CPXM1: variants seen among roughly 807,000 people sequenced by gnomAD.
CPXM1 encodes the protein probable carboxypeptidase X1.
In CPXM1, 72 loss-of-function variants were observed where a neutral mutation model predicts 80.4. That is an observed-to-expected ratio of 0.90 (90% CI 0.74 to 1.09). The LOEUF is 1.09. Ranked by LOEUF, CPXM1 falls within the 50% of genes least tolerant of loss-of-function variation. The probability of loss-of-function intolerance (pLI) is 0.00; values close to 1 mark genes in which losing one functional copy is unlikely to be tolerated. For missense variants in CPXM1, 892 were observed against 999.4 expected (o/e 0.89, Z 1.45); for synonymous variants, 403 against 405.6 (o/e 0.99, Z 0.08).
Position 2,796,718 on chromosome 20 carries a change from C to T in CPXM1, c.922-68G>A. On this transcript the variant is annotated intron_variant, in intron 7 of 13. Coordinates refer to ENST00000380605, the MANE Select transcript of CPXM1 (RefSeq NM_019609.5). This position sits in a 1 kb window ranked among gnomAD's most constrained non-coding sequence, Gnocchi z 6.8. ...ACACCCAGGGGCAGATCACATGTGC[C>T]ATGGAAAGACTTAAAAAGTCAGCGA... 1 of 1,587,268 alleles carries T rather than the reference C, an allele frequency of 6.3e-7. No individual in the cohort carries two copies. The highest frequency in any genetic ancestry group is 1.1e-5 in the South Asian group (1 of 87,956).
Position 2,795,718 on chromosome 20 carries a change from G to A in CPXM1, c.1601C>T (p.Thr534Ile). The A allele has an allele frequency of 6.2e-7, 1 of 1,613,994 alleles. No homozygotes were observed. Among genetic ancestry groups the A allele is most frequent in the Non-Finnish European group, 8.5e-7 (1 of 1,180,046 alleles). Reference protein sequence around the residue: ...PDDAVFRWLSTVYAGSNLAMQ... With the variant: ...PDDAVFRWLSIVYAGSNLAMQ... ...GGCCAGATTACTGCCAGCATAGACA[G>A]TGCTGAGCCAGCGAAACACAGCATC... Residue 534 changes from threonine to isoleucine, a missense_variant, in exon 11 of 14, where the codon ACT (threonine) becomes ATT (isoleucine). Transcript: ENST00000380605. The surrounding 1 kb of genome is among the most constrained non-coding windows in gnomAD (Gnocchi z 5.4).
chr20:2,797,845 G>T, intron 5 of CPXM1, 123 bp downstream of exon 5: 1 of 856,378 alleles, frequency 1.2e-6, no homozygotes. Flanking sequence ...TTGACAACAA[G>T]CCACACCCCC....
At chr20:2,800,370 G>A (rs756441944) in intron 1 of CPXM1, 31 bp downstream of exon 1, 44 of 1,481,958 alleles carry the variant, frequency 3.0e-5, no homozygotes, top group African/African-American at 5.8e-5. Context: ...GTCGGCTTGC[G>A]GGGGAGCGGA....
rs2088501711 is a variant in CPXM1, at chr20:2,795,918, G to A, written c.1423-22C>T. Reference sequence around the variant, plus strand: ...CCACCTGGATGGGGCAGGTCAGGAGGGGCAGGAGACAGAGACAAGGTCCGC... The same window carrying A: ...CCACCTGGATGGGGCAGGTCAGGAGAGGCAGGAGACAGAGACAAGGTCCGC... On this transcript the variant is annotated intron_variant, in intron 10 of 13. Coordinates refer to ENST00000380605, the MANE Select transcript of CPXM1 (RefSeq NM_019609.5). The surrounding 1 kb of genome is among the most constrained non-coding windows in gnomAD (Gnocchi z 5.4). 1 of 1,605,156 alleles carries A rather than the reference G, an allele frequency of 6.2e-7. No individual in the cohort carries two copies. Among genetic ancestry groups the A allele is most frequent in the Non-Finnish European group, 8.5e-7 (1 of 1,173,556 alleles).
In CPXM1 at chr20:2,794,263, A is replaced by G. The variant is rs1391694214; in HGVS notation, c.2132T>C (p.Leu711Pro). The G allele has an allele frequency of 6.2e-7, 1 of 1,614,068 alleles. No homozygotes were observed. Among genetic ancestry groups the G allele is most frequent in the East Asian group, 2.2e-5 (1 of 44,872 alleles). ...TKTPKQRLRE[L>P]LAAGAKVPPD... ...GGGCACCTTGGCCCCAGCTGCCAGC[A>G]GCTCGCGCAGCCTCTGTTTGGGAGT... The change falls in exon 14 of 14, where the codon CTG (leucine) becomes CCG (proline). Residue 711 changes from leucine (L) to proline (P), a missense_variant. Around this residue, in one of 2 missense-constraint regions of CPXM1, gnomAD observed 874 missense variants for 958.4 expected, o/e 0.91. Transcript: ENST00000380605. This position sits in a 1 kb window ranked among gnomAD's most constrained non-coding sequence, Gnocchi z 5.2.
At position 2,795,361 on chromosome 20, in the gene CPXM1, C is replaced by CA. The variant is rs1484521586; in HGVS notation, c.1775dup (p.Ser593ValfsTer3). The CA allele has an allele frequency of 5.6e-6, 9 of 1,614,076 alleles. No homozygotes were observed. Among genetic ancestry groups the CA allele is most frequent in the Admixed American group, 1.7e-5 (1 of 60,012 alleles). On this transcript the variant is annotated frameshift_variant, in exon 12 of 14. Coordinates refer to ENST00000380605, the MANE Select transcript of CPXM1 (RefSeq NM_019609.5). LOFTEE classifies it high-confidence loss of function. This position sits in a 1 kb window ranked among gnomAD's most constrained non-coding sequence, Gnocchi z 5.4. ...TCTCGTGAGGGAACTTGTCACAGGA[C>CA]AGCTCCACAGTGACCTCAAAGCAGT... is the stretch of plus-strand genomic sequence containing the variant.
rs1397106378 is a variant in CPXM1 at position 2,796,065 on chromosome 20, C to T, written c.1339G>A (p.Ala447Thr). 1 of 1,614,104 alleles carries T rather than the reference C, an allele frequency of 6.2e-7. No individual in the cohort carries two copies. Among genetic ancestry groups the T allele is most frequent in the Non-Finnish European group, 8.5e-7 (1 of 1,179,998 alleles). The change falls in exon 10 of 14, where the codon GCA (alanine) becomes ACA (threonine). Residue 447 changes from alanine (A) to threonine (T), a missense_variant. Physicochemically the swap from Ala to Thr is moderately conservative, Grantham distance 58. Around this residue, in one of 2 missense-constraint regions of CPXM1, gnomAD observed 874 missense variants for 958.4 expected, o/e 0.91. Coordinates refer to ENST00000380605, the MANE Select transcript of CPXM1 (RefSeq NM_019609.5). This position sits in a 1 kb window ranked among gnomAD's most constrained non-coding sequence, Gnocchi z 6.8. ...FADLNTPLWE[A>T]QDDGKVPHIV... is the part of the protein sequence containing the mutation. Reference sequence around the variant, plus strand: ...TGGGGCACCTTCCCATCGTCCTGTGCTTCCCACAGTGGTGTGTTGAGGTCA... The same window carrying T: ...TGGGGCACCTTCCCATCGTCCTGTGTTTCCCACAGTGGTGTGTTGAGGTCA...
Position 2,794,186 on chromosome 20 carries a change from G to C in CPXM1, c.*4C>G. 2 of 1,606,978 alleles carry C rather than the reference G, an allele frequency of 1.2e-6. No homozygotes were observed. The highest frequency in any genetic ancestry group is 1.7e-6 in the Non-Finnish European group (2 of 1,176,870). On this transcript the variant is annotated 3_prime_UTR_variant, in exon 14 of 14. Coordinates refer to ENST00000380605, the MANE Select transcript of CPXM1 (RefSeq NM_019609.5). The surrounding 1 kb of genome is among the most constrained non-coding windows in gnomAD (Gnocchi z 5.2). ...CCTGCCCTAGGGCTCTTAAACCGCAGGTATCAATCCTTCTGTCCCCTTAGC... is the reference window on the plus strand; with the variant it reads ...CCTGCCCTAGGGCTCTTAAACCGCACGTATCAATCCTTCTGTCCCCTTAGC...
chr20:2,794,789 A>G lies in CPXM1; in HGVS notation c.1861-150T>C. 3.2e-6 allele frequency: 2 copies of G among 617,506 alleles called. No individual in the cohort carries two copies. The highest frequency in any genetic ancestry group is 5.7e-6 in the Non-Finnish European group (2 of 349,628). 38.3% of individuals were successfully genotyped at this position (617,506 alleles called of 1,614,324 possible). A position where few individuals can be genotyped will look rare whatever the true frequency, so the allele number is the denominator to read the frequency against. ...ACACTACTTCTGGAAGAAAAAAAAA[A>G]AAGAAATCCTGATTGACAAATCACA... On this transcript the variant is annotated intron_variant, in intron 12 of 13. Transcript: ENST00000380605. This position sits in a 1 kb window ranked among gnomAD's most constrained non-coding sequence, Gnocchi z 5.2.
At position 2,800,456 on chromosome 20, in the gene CPXM1, G is replaced by A. The variant is rs1473181081; in HGVS notation, c.117C>T (p.Gly39=). The change falls in exon 1 of 14, where the codon GGC becomes GGT. Residue 39 remains glycine, a synonymous_variant. Transcript: ENST00000380605. ...LAQPGTTKVP[G]STPALHSSPA... is the part of the protein sequence containing the mutation. ...GGCTGCTATGCAGGGCCGGGGTCGA[G>A]CCTGGGACCTTGGTGGTCCCGGGCT... 3 of 1,491,604 alleles carry A rather than the reference G, an allele frequency of 2.0e-6. No individual in the cohort carries two copies. The highest frequency in any genetic ancestry group is 1.8e-6 in the Non-Finnish European group (2 of 1,127,866). 92.4% of individuals were successfully genotyped at this position (1,491,604 alleles called of 1,614,324 possible). A position where few individuals can be genotyped will look rare whatever the true frequency, so the allele number is the denominator to read the frequency against.
rs940541473 is a variant in CPXM1, at chr20:2,800,605, A to C, written c.-33T>G. The C allele has an allele frequency of 1.8e-5, 24 of 1,315,178 alleles. No individual in the cohort carries two copies. The African/African-American group carries it at 3.6e-4, about 19-fold the overall frequency. The allele number at this position is 1,315,178 out of a possible 1,614,324, so 81.5% of individuals were successfully genotyped here. On this transcript the variant is annotated 5_prime_UTR_variant, in exon 1 of 14. Coordinates refer to ENST00000380605, the MANE Select transcript of CPXM1 (RefSeq NM_019609.5). ...ATTGAGTGCCAGGGGCGCGCGGGCTACGGCGGGTGGCGGGTCGGTCTCTTC... is the reference window on the plus strand; with the variant it reads ...ATTGAGTGCCAGGGGCGCGCGGGCTCCGGCGGGTGGCGGGTCGGTCTCTTC...
chr20:2,798,632 C>A (rs2088535390), intron 2 of CPXM1, 94 bp downstream of exon 2: 1 of 1,551,144 alleles, frequency 6.4e-7, no homozygotes, highest in Non-Finnish European at 8.8e-7. Context: ...GCTAGGCAAG[C>A]AAGGGGCGTG....
At chr20:2,800,111 A>C (rs112964346) in intron 1 of CPXM1, among the ~76,000 whole-genome samples, 1 of 146,746 alleles carries the variant, frequency 6.8e-6, no homozygotes, top group African/African-American at 2.5e-5. Flanking sequence ...TGTGAGTGTG[A>C]GTGTGCGCGC....
chr20:2,794,644 G>A lies in CPXM1; in HGVS notation c.1861-5C>T. The A allele has an allele frequency of 1.2e-6, 2 of 1,604,370 alleles. No individual in the cohort carries two copies. Among genetic ancestry groups the A allele is most frequent in the South Asian group, 1.1e-5 (1 of 90,988 alleles). The stretch of plus-strand genomic sequence containing the variant: ...TCCTGCAATGCCCATGCGCACCTGT[G>A]TGGGAAGAGGTTATCAGAGCCCTTC... On this transcript the variant is annotated splice_polypyrimidine_tract_variant and splice_region_variant and intron_variant, in intron 12 of 13. Coordinates refer to ENST00000380605, the MANE Select transcript of CPXM1 (RefSeq NM_019609.5). The surrounding 1 kb of genome is among the most constrained non-coding windows in gnomAD (Gnocchi z 5.2).
At chr20:2,797,510 A>G (rs771150051) in intron 5 of CPXM1, among the ~76,000 whole-genome samples, 168 bp from the exon 6 acceptor site, 14 of 152,268 alleles carry the variant, frequency 9.2e-5, no homozygotes, top group Admixed American at 3.3e-4. Context: ...GCCCCTGCCA[A>G]TGGGCAGCCC....
At chr20:2,798,577 G>A in intron 2 of CPXM1, 40 bp from the exon 3 acceptor site, 1 of 1,581,308 alleles carries the variant, frequency 6.3e-7, no homozygotes, top group Non-Finnish European at 8.7e-7. Flanking sequence ...ACCAGAGGGA[G>A]GGTAGCCAGG....
chr20:2,797,002 T>C lies in CPXM1; in HGVS notation c.921+4A>G. The C allele has an allele frequency of 6.2e-7, 1 of 1,613,672 alleles. No homozygotes were observed. Among genetic ancestry groups the C allele is most frequent in the Non-Finnish European group, 8.5e-7 (1 of 1,179,610 alleles). ...CTTCCCAGGTCATAGGGGTTATATCTGACCTTCCTCATGGCCTTGTAATTG... is the reference window on the plus strand; with the variant it reads ...CTTCCCAGGTCATAGGGGTTATATCCGACCTTCCTCATGGCCTTGTAATTG... On this transcript the variant is annotated splice_donor_region_variant and intron_variant, in intron 7 of 13. Coordinates refer to ENST00000380605, the MANE Select transcript of CPXM1 (RefSeq NM_019609.5).
At position 2,798,482 on chromosome 20, in the gene CPXM1, T is replaced by C; in HGVS notation, c.396A>G (p.Ala132=). The C allele has an allele frequency of 6.2e-7, 1 of 1,614,114 alleles. No homozygotes were observed. Among genetic ancestry groups the C allele is most frequent in the Non-Finnish European group, 8.5e-7 (1 of 1,180,010 alleles). The change falls in exon 3 of 14, where the codon GCA becomes GCG. Residue 132 remains alanine (A), a synonymous_variant. Transcript: ENST00000380605. ...SLRVSDSRLE[A]SSSQSFGLGP... ...CAAGACCAAAGGACTGGCTGCTGGA[T>C]GCCTCAAGCCGGCTATCTGAAACTC...
At position 2,800,466 on chromosome 20, in the gene CPXM1, TTGG is replaced by T. The variant is rs2088559560; in HGVS notation, c.104_106del (p.Thr35del). The T allele has an allele frequency of 2.7e-6, 4 of 1,473,044 alleles. No individual in the cohort carries two copies. The South Asian group carries it at 5.2e-5, about 19-fold the overall frequency. 91.2% of individuals were successfully genotyped at this position (1,473,044 alleles called of 1,614,324 possible). ...CAGGGCCGGGGTCGAGCCTGGGACC[TTGG>T]TGGTCCCGGGCTGCGCGAGGCCCAG... On this transcript the variant is annotated inframe_deletion, in exon 1 of 14. Coordinates refer to ENST00000380605, the MANE Select transcript of CPXM1 (RefSeq NM_019609.5).
Sources: allele counts gnomAD v4.1 joint callset (sites outside exome capture counted in the v4.1 genomes callset), GRCh38; gene constraint gnomAD v4.1.1; regional missense constraint gnomAD v4.1.1; non-coding constraint Gnocchi (gnomAD v3.1); transcripts MANE v1.5; gene names NCBI Gene and HGNC (gene_info 2026-07-23, HGNC 2026-07-21).